The following HHLA2 variants were observed in gnomAD, a reference collection of about 807,000 sequenced individuals.
HHLA2 encodes HHLA2 member of B7 family, also known as HERV-H LTR-associating protein 2.
In HHLA2, 48 loss-of-function variants were observed where a neutral mutation model predicts 45.9. The observed-to-expected ratio is 1.05, with a 90% CI of 0.83 to 1.33. The LOEUF (loss-of-function observed/expected upper bound fraction) is 1.33, where lower values mean the gene tolerates loss of function less well. Among genes scored for constraint, HHLA2 ranks in the 40% most tolerant of loss-of-function variants. HHLA2 has a pLI of 0.00. For synonymous variants in HHLA2, 161 were observed against 173.9 expected (o/e 0.93, Z 0.59); for missense variants, 462 against 494.3 (o/e 0.93, Z 0.62).
intron 2 of HHLA2, among the ~76,000 whole-genome samples, chr3:108,318,846 G>A (rs2081147697): frequency 6.6e-6 from 1 of 152,172 alleles, no homozygotes. Context: ...CATTCTCCAA[G>A]ATTCCTGGAA....
chr3:108,340,974 A>G (rs932316793), intron 3 of HHLA2, among the ~76,000 whole-genome samples: 3 of 113,140 alleles, frequency 2.7e-5, no homozygotes, highest in African/African-American at 1.1e-4. Flanking sequence ...TCTTTCTTTC[A>G]TGGAGTCTTG....
In HHLA2 at chr3:108,360,057, CA is replaced by C. The variant is rs1226627815; in HGVS notation, c.1003+1897del. 6.6e-5 allele frequency among the ~76,000 whole-genome samples: 10 copies of C among 152,200 alleles called. No homozygotes were observed. The East Asian group carries it at 1.9e-3, about 29-fold the overall frequency. ...TCTTCATCAGCAGACACAGCCTCTCCAGTAATTTTTATATTTTTCAGTCCAA... is the reference window on the plus strand; with the variant it reads ...TCTTCATCAGCAGACACAGCCTCTCCGTAATTTTTATATTTTTCAGTCCAA... On this transcript the variant is annotated intron_variant, in intron 7 of 10. Transcript: ENST00000619531.
At chr3:108,297,277 C>T (rs1324525745) in intron 1 of HHLA2, among the ~76,000 whole-genome samples, 1 of 152,024 alleles carries the variant, frequency 6.6e-6, no homozygotes, top group Non-Finnish European at 1.5e-5. Flanking sequence ...GTTACTGGTA[C>T]CTGACAAAAC....
intron 8 of HHLA2, among the ~76,000 whole-genome samples, chr3:108,375,473 G>T (rs1374555032): frequency 2.0e-5 from 3 of 151,606 alleles, no homozygotes; most frequent in Non-Finnish European, 2.9e-5. Context: ...AAACTTAAAA[G>T]AATAATAATA....
At chr3:108,328,616 A>G (rs1337663529) in intron 3 of HHLA2, among the ~76,000 whole-genome samples, 1 of 152,142 alleles carries the variant, frequency 6.6e-6, no homozygotes, top group Non-Finnish European at 1.5e-5. Context: ...TGTTGAGGTG[A>G]ATTTAGACTT....
At chr3:108,311,984 C>T (rs1219233899) in intron 2 of HHLA2, 1 of 152,232 alleles carries the variant, frequency 6.6e-6, no homozygotes, top group African/African-American at 2.4e-5. Context: ...CCCAGACTGC[C>T]TTTCCCTCTG....
At chr3:108,336,621 G>T (rs1320645344) in intron 3 of HHLA2, among the ~76,000 whole-genome samples, 1 of 152,126 alleles carries the variant, frequency 6.6e-6, no homozygotes, top group East Asian at 1.9e-4. Flanking sequence ...ACCTTGCCTA[G>T]TAAGGGGAGA....
chr3:108,312,165 G>A (rs952868712), intron 2 of HHLA2, among the ~76,000 whole-genome samples: 4 of 152,092 alleles, frequency 2.6e-5, no homozygotes, highest in South Asian at 2.1e-4. Context: ...CCCCCCAGAC[G>A]GTCCAGACTC....
At chr3:108,313,742 T>A (rs568146190) in intron 2 of HHLA2, among the ~76,000 whole-genome samples, 174 of 152,266 alleles carry the variant, frequency 1.1e-3, no homozygotes, top group African/African-American at 4.0e-3. Flanking sequence ...TGTAGTTATA[T>A]CCATGGGGTA....
At chr3:108,329,259 A>G (rs1247040692) in intron 3 of HHLA2, among the ~76,000 whole-genome samples, 6 of 152,172 alleles carry the variant, frequency 3.9e-5, no homozygotes, top group Non-Finnish European at 5.9e-5. Flanking sequence ...GCATGACCTA[A>G]CATGTGATTC....
intron 5 of HHLA2, among the ~76,000 whole-genome samples, chr3:108,354,432 C>G (rs575634795): frequency 1.4e-4 from 21 of 151,640 alleles, no homozygotes; most frequent in Non-Finnish European, 2.4e-4. Flanking sequence ...TACATTGAAC[C>G]AAACAGGTAT....
At chr3:108,368,646 T>TA (rs2082110992) in intron 8 of HHLA2, among the ~76,000 whole-genome samples, 1 of 130,306 alleles carries the variant, frequency 7.7e-6, no homozygotes, top group South Asian at 2.5e-4. Context: ...AGACGTTACA[T>TA]AATGGTAAAG....
intron 6 of HHLA2, among the ~76,000 whole-genome samples, chr3:108,355,654 A>G (rs1178060818): frequency 6.6e-6 from 1 of 152,194 alleles, no homozygotes; most frequent in East Asian, 1.9e-4. Flanking sequence ...ACATTCATGA[A>G]GTGGAAAGAA....
intron 3 of HHLA2, among the ~76,000 whole-genome samples, chr3:108,330,144 C>T (rs1241908009): frequency 2.0e-5 from 3 of 152,096 alleles, no homozygotes; most frequent in Non-Finnish European, 4.4e-5. Flanking sequence ...TGAAAGAAAC[C>T]AAAATGGAAG....
intron 3 of HHLA2, among the ~76,000 whole-genome samples, chr3:108,340,640 A>G (rs1474096630): frequency 2.0e-5 from 3 of 152,158 alleles, no homozygotes; most frequent in African/African-American, 7.2e-5. Context: ...AAGCTTTTAT[A>G]CTCTCCCTTC....
chr3:108,306,157 T>G (rs147566963), intron 1 of HHLA2, among the ~76,000 whole-genome samples: 47 of 152,320 alleles, frequency 3.1e-4, no homozygotes, highest in African/African-American at 1.1e-3. Flanking sequence ...TTTCCACCCT[T>G]CCTCTCTCCT....
At chr3:108,351,765 T>G (rs1482904065) in intron 3 of HHLA2, 23 bp from the exon 3 acceptor site, 3 of 1,488,224 alleles carry the variant, frequency 2.0e-6, no homozygotes, top group East Asian at 2.3e-5. Context: ...CCATAACATG[T>G]GCACTTTACT....
At chr3:108,371,396 G>A (rs1010419834) in intron 8 of HHLA2, among the ~76,000 whole-genome samples, 16 of 152,110 alleles carry the variant, frequency 1.1e-4, no homozygotes, top group African/African-American at 3.9e-4. Context: ...GACCATCGAG[G>A]CTAGGAAGAA....
intron 3 of HHLA2, among the ~76,000 whole-genome samples, chr3:108,329,005 C>T (rs2081339184): frequency 6.6e-6 from 1 of 152,092 alleles, no homozygotes; most frequent in South Asian, 2.1e-4. Flanking sequence ...GTGTTTCTCT[C>T]CACAATGACT....
Sources: gnomAD v4.1 joint callset for allele counts (sites outside exome capture counted in the v4.1 genomes callset) on GRCh38, gnomAD v4.1.1 for gene constraint, MANE v1.5 for transcripts, NCBI Gene and HGNC (gene_info 2026-07-23, HGNC 2026-07-21) for gene names.